Variants in TRMT9B observed in about 807,000 individuals in gnomAD.
TRMT9B encodes the protein probable tRNA methyltransferase 9B.
Under a neutral mutation model 11.5 loss-of-function variants are expected in TRMT9B, and 16 were observed. The observed-to-expected ratio is 1.39, with a 90% CI of 0.94 to 2.11. The LOEUF (loss-of-function observed/expected upper bound fraction) is 2.11, where lower values mean the gene tolerates loss of function less well. Among genes scored for constraint, TRMT9B ranks in the 30% most tolerant of loss-of-function variants. The pLI is 0.00. For missense variants in TRMT9B, 941 were observed against 553.8 expected (o/e 1.70, Z -7.02); for synonymous variants, 274 against 192.4 (o/e 1.42, Z -3.51).
chr8:13,001,427 A>G (rs17784890), intron 2 of TRMT9B, among the ~76,000 whole-genome samples: 2,895 of 152,300 alleles, frequency 0.019, 31 homozygotes, highest in South Asian at 0.032. Context: ...TCCTAGTTAA[A>G]ACGTTTACCG....
chr8:12,977,535 T>A (rs566288951), intron 1 of TRMT9B, among the ~76,000 whole-genome samples: 7 of 152,232 alleles, frequency 4.6e-5, no homozygotes, highest in African/African-American at 1.7e-4. Flanking sequence ...ACCCCATCTC[T>A]ACTAAAAATA....
At chr8:13,005,936 G>A (rs1244115348) in intron 2 of TRMT9B, among the ~76,000 whole-genome samples, 1 of 152,178 alleles carries the variant, frequency 6.6e-6, no homozygotes, top group East Asian at 1.9e-4. Flanking sequence ...AATTCATCTT[G>A]TACAGGAACT....
At chr8:12,999,106 C>G (rs1808897648) in intron 2 of TRMT9B, among the ~76,000 whole-genome samples, 1 of 151,958 alleles carries the variant, frequency 6.6e-6, no homozygotes. Context: ...CAAGACCAGC[C>G]TAACCAACAG....
intron 1 of TRMT9B, among the ~76,000 whole-genome samples, chr8:12,947,027 C>T (rs897095855): frequency 6.6e-6 from 1 of 152,138 alleles, no homozygotes; most frequent in Non-Finnish European, 1.5e-5. Context: ...GACTCCAGCC[C>T]GTGAACATCC....
intron 1 of TRMT9B, chr8:12,952,582 A>G (rs1202236939): frequency 3.7e-6 from 2 of 534,292 alleles, no homozygotes; most frequent in African/African-American, 2.1e-5. Flanking sequence ...GTGCACGTGT[A>G]TCTTTCCCTG....
chr8:13,000,242 G>A (rs1025242635), intron 2 of TRMT9B, among the ~76,000 whole-genome samples: 3 of 152,286 alleles, frequency 2.0e-5, no homozygotes, highest in East Asian at 1.9e-4. Context: ...GTCACTTAGG[G>A]TTTATCTGAA....
chr8:12,978,931 C>A (rs1208468219), intron 1 of TRMT9B, among the ~76,000 whole-genome samples: 1 of 152,130 alleles, frequency 6.6e-6, no homozygotes, highest in African/African-American at 2.4e-5. Flanking sequence ...GGATACTTAC[C>A]CCAGATCTTT....
Position 13,021,589 on chromosome 8 carries a change from G to C in TRMT9B, c.910G>C (p.Gly304Arg), listed in dbSNP as rs1216756033. The change falls in exon 5 of 5, where the codon GGG (glycine) becomes CGG (arginine). Residue 304 changes from glycine to arginine, a missense_variant. Transcript: ENST00000524591. The stretch of plus-strand genomic sequence containing the variant: ...TCACCAAGAGCCATTTTCAACAAAA[G>C]GGCAAAGTTTAGATGAGGAAGTGTT... ...FDHQEPFSTK[G>R]QSLDEEVFVE... The C allele has an allele frequency of 3.1e-6, 5 of 1,613,784 alleles. No individual in the cohort carries two copies. Among genetic ancestry groups the C allele is most frequent in the Admixed American group, 1.7e-5 (1 of 59,992 alleles).
chr8:12,961,068 G>A (rs7459631), intron 1 of TRMT9B, among the ~76,000 whole-genome samples: 1 of 152,138 alleles, frequency 6.6e-6, no homozygotes, highest in Admixed American at 6.5e-5. Flanking sequence ...TTGAACCCGG[G>A]AAGTGGAGGT....
chr8:12,997,645 T>A (rs1038653874), intron 2 of TRMT9B, among the ~76,000 whole-genome samples: 1 of 152,246 alleles, frequency 6.6e-6, no homozygotes, highest in African/African-American at 2.4e-5. Context: ...TTACTGATGA[T>A]GGTCACATGT....
intron 1 of TRMT9B, among the ~76,000 whole-genome samples, chr8:12,977,389 C>G (rs542709604): frequency 1.3e-5 from 2 of 152,144 alleles, no homozygotes; most frequent in Non-Finnish European, 2.9e-5. Flanking sequence ...GTCACCATGA[C>G]CATCTTATTT....
intron 3 of TRMT9B, among the ~76,000 whole-genome samples, chr8:13,008,981 G>A (rs1811044305): frequency 1.3e-5 from 2 of 152,070 alleles, no homozygotes; most frequent in South Asian, 2.1e-4. Context: ...ACCGACCTTC[G>A]CCTCCCAAAG....
chr8:12,954,930 G>A (rs1226350124), intron 1 of TRMT9B, among the ~76,000 whole-genome samples: 1 of 152,180 alleles, frequency 6.6e-6, no homozygotes, highest in Non-Finnish European at 1.5e-5. Flanking sequence ...CTGTGAAATG[G>A]AGATAATGAC....
rs28676567 is a variant in TRMT9B at position 13,006,094 on chromosome 8, T to C, written c.-1-108T>C. 7.9e-3 allele frequency: 7,858 copies of C among 992,844 alleles called. 412 individuals are homozygous for C. In the African/African-American group the frequency reaches 0.11, roughly 14 times the overall value. 61.5% of individuals were successfully genotyped at this position (992,844 alleles called of 1,614,324 possible). A position where few individuals can be genotyped will look rare whatever the true frequency, so the allele number is the denominator to read the frequency against. ...CTTATAAGAAAGTGTGCAAACAGCA[T>C]GAGTTTGCAGTTGTAGGCTCCAGAT... On this transcript the variant is annotated intron_variant, in intron 2 of 4. Transcript: ENST00000524591.
intron 1 of TRMT9B, among the ~76,000 whole-genome samples, chr8:12,972,738 C>A (rs533028150): frequency 6.6e-6 from 1 of 152,182 alleles, no homozygotes; most frequent in East Asian, 1.9e-4. Flanking sequence ...CGCTAGGTGA[C>A]AATGACTCTC....
chr8:12,996,779 G>A (rs1808417075), intron 2 of TRMT9B, among the ~76,000 whole-genome samples: 1 of 151,944 alleles, frequency 6.6e-6, no homozygotes, highest in Non-Finnish European at 1.5e-5. Flanking sequence ...CATAACCTGA[G>A]CGCCCTCATG....
At chr8:13,017,736 C>T in intron 4 of TRMT9B, among the ~76,000 whole-genome samples, 1 of 148,928 alleles carries the variant, frequency 6.7e-6, no homozygotes, top group East Asian at 2.0e-4. Flanking sequence ...ACATCAGTTT[C>T]CTGAGTAACT....
At position 13,016,205 on chromosome 8, in the gene TRMT9B, T is replaced by C. The variant is rs1264270313; in HGVS notation, c.328+3348T>C. Among the ~76,000 whole-genome samples the C allele has an allele frequency of 3.1e-4, 44 of 139,838 alleles. 1 individual carries two copies. The highest frequency in any genetic ancestry group is 3.9e-4 in the Non-Finnish European group (26 of 65,884). The allele number at this position is 139,838 out of a possible 152,430, so 91.7% of individuals were successfully genotyped here. Reference sequence around the variant, plus strand: ...AATATAAATGTGAAATATATATTTATATATATAAAATATAAATGTGAAATA... The same window carrying C: ...AATATAAATGTGAAATATATATTTACATATATAAAATATAAATGTGAAATA... On this transcript the variant is annotated intron_variant, in intron 4 of 4. Coordinates refer to ENST00000524591, the MANE Select transcript of TRMT9B (RefSeq NM_020844.3).
chr8:12,958,976 G>C (rs1348805293), intron 1 of TRMT9B, among the ~76,000 whole-genome samples: 1 of 152,128 alleles, frequency 6.6e-6, no homozygotes, highest in Admixed American at 6.5e-5. Context: ...ATAGCATTAG[G>C]AGAAATATCT....
Sources: gnomAD v4.1 joint callset for allele counts (sites outside exome capture counted in the v4.1 genomes callset) on GRCh38, gnomAD v4.1.1 for gene constraint, MANE v1.5 for transcripts, NCBI Gene and HGNC (gene_info 2026-07-23, HGNC 2026-07-21) for gene names.